The following LDLRAD4 variants were observed in gnomAD, a reference collection of about 807,000 sequenced individuals.
LDLRAD4 encodes the protein low density lipoprotein receptor class A domain containing 4.
A neutral mutation model predicts 17.0 loss-of-function variants in LDLRAD4; 5 were observed. That is an observed-to-expected ratio of 0.29 (90% CI 0.15 to 0.62). LDLRAD4 has a LOEUF of 0.62. Ranked by LOEUF, LDLRAD4 falls within the 20% of genes least tolerant of loss-of-function variation. LDLRAD4 has a pLI of 0.84. For missense variants in LDLRAD4, 340 were observed against 424.7 expected (o/e 0.80, Z 1.75); for synonymous variants, 168 against 171.8 (o/e 0.98, Z 0.17).
intron 1 of LDLRAD4, among the ~76,000 whole-genome samples, chr18:13,312,557 C>A (rs1053083473): frequency 6.6e-6 from 1 of 152,082 alleles, no homozygotes; most frequent in Non-Finnish European, 1.5e-5. Context: ...GCCTGGGTAA[C>A]ATAAAGAGAC....
intron 3 of LDLRAD4, among the ~76,000 whole-genome samples, chr18:13,535,630 G>C (rs1025898673): frequency 1.1e-4 from 17 of 152,028 alleles, no homozygotes; most frequent in African/African-American, 3.9e-4. Flanking sequence ...TTTCTTAGCT[G>C]TTTTCAAAGA....
intron 1 of LDLRAD4, among the ~76,000 whole-genome samples, chr18:13,323,739 T>A (rs989218782): frequency 6.6e-6 from 1 of 152,192 alleles, no homozygotes; most frequent in Non-Finnish European, 1.5e-5. Context: ...CTCTGAAATG[T>A]TTGGTTAATC....
intron 3 of LDLRAD4, among the ~76,000 whole-genome samples, chr18:13,541,651 G>A (rs1252176673): frequency 2.0e-5 from 3 of 152,156 alleles, no homozygotes; most frequent in East Asian, 1.9e-4. Flanking sequence ...AGATGCCTCC[G>A]GACACCCTTC....
chr18:13,609,990 AAAAAG>A (rs947526731), intron 3 of LDLRAD4, among the ~76,000 whole-genome samples: 3 of 152,164 alleles, frequency 2.0e-5, no homozygotes, highest in Admixed American at 6.5e-5. Context: ...CAAAAAAAGA[AAAAAG>A]AAAAGAAAAA....
intron 1 of LDLRAD4, chr18:13,366,315 A>G (rs1599705670): frequency 6.6e-6 from 1 of 150,968 alleles, no homozygotes; most frequent in Non-Finnish European, 1.5e-5. Flanking sequence ...TGATCTCACA[A>G]TGAATGAGTA....
rs554505846 is a variant in LDLRAD4, at chr18:13,445,699, GGT to G, written c.181+7321_181+7322del. 4.6e-5 allele frequency among the ~76,000 whole-genome samples: 7 copies of G among 150,764 alleles called. No homozygotes were observed. In the South Asian group the frequency reaches 8.4e-4, roughly 18 times the overall value. ...GTGTGCATGTATGTGTGTAGGTGAG[GGT>G]GTGTGATGCATGTGTGTGTGAGAAT... On this transcript the variant is annotated intron_variant, in intron 3 of 5. Transcript: ENST00000359446.
At chr18:13,554,582 G>A (rs1031168041) in intron 3 of LDLRAD4, among the ~76,000 whole-genome samples, 8 of 151,818 alleles carry the variant, frequency 5.3e-5, no homozygotes, top group Non-Finnish European at 1.5e-5. Context: ...CCTAAGACTC[G>A]GGGTCCAAAG....
chr18:13,456,870 T>C (rs1031866139), intron 3 of LDLRAD4, among the ~76,000 whole-genome samples: 4 of 152,240 alleles, frequency 2.6e-5, no homozygotes, highest in African/African-American at 9.6e-5. Context: ...TGGTTTTTTC[T>C]AGATTCTGTG....
At chr18:13,618,639 T>C (rs2040303687) in intron 3 of LDLRAD4, among the ~76,000 whole-genome samples, 1 of 152,202 alleles carries the variant, frequency 6.6e-6, no homozygotes, top group African/African-American at 2.4e-5. Flanking sequence ...TCCATGTCCA[T>C]AAAGCAGTGA....
chr18:13,306,828 G>A (rs1163976796), intron 1 of LDLRAD4, among the ~76,000 whole-genome samples: 4 of 152,160 alleles, frequency 2.6e-5, no homozygotes, highest in Non-Finnish European at 4.4e-5. Flanking sequence ...AAATAAAAAG[G>A]TGCGCCAGGG....
In LDLRAD4 at chr18:13,499,221, T is replaced by G. The variant is rs2093562289; in HGVS notation, c.181+60837T>G. 6.1e-5 allele frequency among the ~76,000 whole-genome samples: 9 copies of G among 146,968 alleles called. No homozygotes were observed. The South Asian group carries it at 2.0e-3, about 32-fold the overall frequency. Reference sequence around the variant, plus strand: ...ACATCCCGCTGTGGATACTGGAGAATCCTTCTCGCCACACACTTCCCACCG... The same window carrying G: ...ACATCCCGCTGTGGATACTGGAGAAGCCTTCTCGCCACACACTTCCCACCG... On this transcript the variant is annotated intron_variant, in intron 3 of 5. Transcript: ENST00000359446.
chr18:13,272,260 T>C (rs2044602633), intron 1 of LDLRAD4, among the ~76,000 whole-genome samples: 2 of 152,146 alleles, frequency 1.3e-5, no homozygotes, highest in South Asian at 4.1e-4. Context: ...TGGGTTGCCT[T>C]GGTCCAGGTA....
chr18:13,577,581 A>G (rs1262761409), intron 3 of LDLRAD4, among the ~76,000 whole-genome samples: 1 of 152,152 alleles, frequency 6.6e-6, no homozygotes, highest in Admixed American at 6.5e-5. Flanking sequence ...CAGAAAACTA[A>G]AACGGGAAGT....
rs568335833 is a variant in LDLRAD4, at chr18:13,602,987, A to G, written c.182-18130A>G. 9.2e-5 allele frequency among the ~76,000 whole-genome samples: 14 copies of G among 152,310 alleles called. 1 individual carries two copies. The East Asian group carries it at 2.7e-3, about 29-fold the overall frequency. On this transcript the variant is annotated intron_variant, in intron 3 of 5. Coordinates refer to ENST00000359446, the Ensembl canonical transcript of LDLRAD4. Reference sequence around the variant, plus strand: ...CAGAAAGAAAAGAAAGGCTATGGACATAACAAATTTAAAACAGTGAAAAAG... The same window carrying G: ...CAGAAAGAAAAGAAAGGCTATGGACGTAACAAATTTAAAACAGTGAAAAAG...
At chr18:13,405,004 C>T (rs1222190277) in intron 2 of LDLRAD4, among the ~76,000 whole-genome samples, 1 of 151,888 alleles carries the variant, frequency 6.6e-6, no homozygotes, top group Non-Finnish European at 1.5e-5. Context: ...GTAGGTGTGA[C>T]CTCTGTGAAC....
chr18:13,349,169 G>C (rs1007816284), intron 1 of LDLRAD4, among the ~76,000 whole-genome samples: 1 of 152,180 alleles, frequency 6.6e-6, no homozygotes, highest in Admixed American at 6.5e-5. Context: ...CGTTGCTCAC[G>C]CTGGGAGCTG....
At chr18:13,447,314 C>T (rs911553991) in intron 3 of LDLRAD4, among the ~76,000 whole-genome samples, 1 of 152,162 alleles carries the variant, frequency 6.6e-6, no homozygotes, top group African/African-American at 2.4e-5. Context: ...GTGGGATGAG[C>T]CCCAGGGAGG....
At chr18:13,288,175 G>A (rs2045738790) in intron 1 of LDLRAD4, among the ~76,000 whole-genome samples, 1 of 152,156 alleles carries the variant, frequency 6.6e-6, no homozygotes, top group Admixed American at 6.5e-5. Flanking sequence ...TAAAATGTCT[G>A]GCAGTTTTAT....
intron 1 of LDLRAD4, among the ~76,000 whole-genome samples, chr18:13,264,266 G>A (rs1193573879): frequency 4.6e-5 from 7 of 152,222 alleles, no homozygotes; most frequent in Non-Finnish European, 7.3e-5. Context: ...GCTGCTTTAC[G>A]TCAACGGCCA....
Sources: gnomAD v4.1 joint callset for allele counts (sites outside exome capture counted in the v4.1 genomes callset) on GRCh38, gnomAD v4.1.1 for gene constraint, MANE v1.5 for transcripts, NCBI Gene and HGNC (gene_info 2026-07-23, HGNC 2026-07-21) for gene names.